ERICH3: variants seen among roughly 807,000 people sequenced by gnomAD.
ERICH3 encodes the protein glutamate rich 3.
A neutral mutation model predicts 131.1 loss-of-function variants in ERICH3; 126 were observed. The observed-to-expected ratio is 0.96, with a 90% CI of 0.83 to 1.11. The LOEUF is 1.11. ERICH3 is among the 50% of genes most tolerant of loss of function. ERICH3 has a pLI of 0.00. For synonymous variants in ERICH3, 695 were observed against 644.6 expected (o/e 1.08, Z -1.18); for missense variants, 2,050 against 1,810.7 (o/e 1.13, Z -2.40).
chr1:74,577,136 A>G, intron 12 of ERICH3, 200 bp from the exon 13 acceptor site: 1 of 496,220 alleles, frequency 2.0e-6, no homozygotes, highest in Non-Finnish European at 3.5e-6. Flanking sequence ...ATTTAATCCT[A>G]GACATCAATA....
intron 11 of ERICH3, among the ~76,000 whole-genome samples, chr1:74,598,953 T>C (rs192684982): frequency 1.3e-5 from 2 of 152,088 alleles, no homozygotes; most frequent in East Asian, 3.9e-4. Context: ...TAAACTTTCA[T>C]ATTGCTATTA....
intron 11 of ERICH3, among the ~76,000 whole-genome samples, chr1:74,596,076 T>C (rs765493061): frequency 3.9e-5 from 6 of 152,100 alleles, no homozygotes; most frequent in Non-Finnish European, 7.4e-5. Flanking sequence ...GTGAGATTCT[T>C]AAAATCATAA....
intron 11 of ERICH3, among the ~76,000 whole-genome samples, chr1:74,593,061 T>C (rs1647682028): frequency 6.6e-6 from 1 of 152,174 alleles, no homozygotes; most frequent in South Asian, 2.1e-4. Context: ...CATTTGTTCA[T>C]GTATTCCCTT....
In ERICH3 at chr1:74,572,041, T is replaced by C. The variant is rs777422793; in HGVS notation, c.3669A>G (p.Pro1223=). 6 of 1,614,086 alleles carry C rather than the reference T, an allele frequency of 3.7e-6. No individual in the cohort carries two copies. In the African/African-American group the frequency reaches 8.0e-5, roughly 22 times the overall value. Reference sequence around the variant, plus strand: ...CCTCAGGGGCCTGCACCTTTCCTGCTGGCTCAGCTTCAGGAGCTGCTAAGG... The same window carrying C: ...CCTCAGGGGCCTGCACCTTTCCTGCCGGCTCAGCTTCAGGAGCTGCTAAGG... ...EGALAAPEAE[P]AGKVQAPEGL... is the part of the protein sequence containing the mutation. The change falls in exon 14 of 15, where the codon CCA becomes CCG. Residue 1223 remains proline (P), a synonymous_variant. Transcript: ENST00000326665.
At chr1:74,614,367 TAAAAAAAA>T in intron 8 of ERICH3, among the ~76,000 whole-genome samples, 1 of 114,940 alleles carries the variant, frequency 8.7e-6, no homozygotes, top group Admixed American at 8.9e-5. Flanking sequence ...ATTTTTTCCC[TAAAAAAAA>T]AAAAAAAAAA....
At chr1:74,661,754 T>C (rs1361129549) in intron 1 of ERICH3, among the ~76,000 whole-genome samples, 1 of 152,142 alleles carries the variant, frequency 6.6e-6, no homozygotes, top group East Asian at 1.9e-4. Context: ...TATATGTCGA[T>C]ATTTATTAGC....
intron 1 of ERICH3, among the ~76,000 whole-genome samples, chr1:74,655,015 A>C (rs1300572606): frequency 6.6e-6 from 1 of 152,146 alleles, no homozygotes; most frequent in East Asian, 1.9e-4. Flanking sequence ...TTTAAATAAA[A>C]ATTCTTACAG....
chr1:74,587,531 A>AG (rs924664596), intron 12 of ERICH3, among the ~76,000 whole-genome samples: 3 of 152,032 alleles, frequency 2.0e-5, no homozygotes, highest in Non-Finnish European at 4.4e-5. Flanking sequence ...AGAAAAAAAA[A>AG]CTACTGTCTT....
chr1:74,661,249 T>C (rs1570917942), intron 1 of ERICH3, among the ~76,000 whole-genome samples: 1 of 152,216 alleles, frequency 6.6e-6, no homozygotes. Context: ...CCCATAAGAT[T>C]TTCACCAGTC....
At chr1:74,603,146 G>A (rs1042370632) in intron 10 of ERICH3, among the ~76,000 whole-genome samples, 3 of 151,826 alleles carry the variant, frequency 2.0e-5, no homozygotes, top group African/African-American at 7.3e-5. Context: ...CCCAACCCAT[G>A]GTTATTGTGC....
intron 6 of ERICH3, among the ~76,000 whole-genome samples, chr1:74,634,192 G>T (rs1014091223): frequency 2.0e-5 from 3 of 151,898 alleles, no homozygotes; most frequent in Non-Finnish European, 4.4e-5. Flanking sequence ...CATCATCAAT[G>T]CCATTGAAAA....
rs1646978777 is a variant in ERICH3 at position 74,572,764 on chromosome 1, T to C, written c.2946A>G (p.Lys982=). The C allele has an allele frequency of 3.1e-6, 5 of 1,614,010 alleles. No homozygotes were observed. Among genetic ancestry groups the C allele is most frequent in the Non-Finnish European group, 4.2e-6 (5 of 1,179,990 alleles). ...CTGTTCTCATAACCTCTTTTCTCTC[T>C]TTGGCTGGTTCCTCTCCCCCAAGAA... ...EAILGGEEPA[K]ERKEVMRTET... is the part of the protein sequence containing the mutation. The change falls in exon 14 of 15, where the codon AAA becomes AAG. Residue 982 remains lysine, a synonymous_variant. Transcript: ENST00000326665.
intron 3 of ERICH3, among the ~76,000 whole-genome samples, chr1:74,644,419 T>G (rs1007144500): frequency 2.0e-5 from 3 of 152,096 alleles, no homozygotes; most frequent in Non-Finnish European, 4.4e-5. Context: ...TAATTTCCTT[T>G]TGTTCCCCCA....
At chr1:74,644,144 T>C (rs1646460706) in intron 3 of ERICH3, among the ~76,000 whole-genome samples, 1 of 152,074 alleles carries the variant, frequency 6.6e-6, no homozygotes, top group South Asian at 2.1e-4. Context: ...CCTCTGTTCT[T>C]GGTTCCCTCC....
intron 9 of ERICH3, among the ~76,000 whole-genome samples, chr1:74,612,346 A>C (rs1156397051): frequency 3.9e-5 from 6 of 152,232 alleles, no homozygotes; most frequent in Non-Finnish European, 8.8e-5. Flanking sequence ...CTTCAGAAAC[A>C]GTTCTTAAAG....
At chr1:74,652,124 C>A (rs184180716) in intron 1 of ERICH3, among the ~76,000 whole-genome samples, 102 of 152,268 alleles carry the variant, frequency 6.7e-4, no homozygotes, top group African/African-American at 2.3e-3. Context: ...TGAATAATAA[C>A]CGGCTCAGTT....
Position 74,641,324 on chromosome 1 carries a change from TACTC to T in ERICH3, c.444+3_444+6del. On this transcript the variant is annotated splice_donor_5th_base_variant and intron_variant, in intron 5 of 14. Coordinates refer to ENST00000326665, the MANE Select transcript of ERICH3 (RefSeq NM_001002912.5). ...TACTGCATGACGAAGTGTTTAATAT[TACTC>T]ACCAGTGCTAACGGACTGGAATGTC... 1 of 1,611,686 alleles carries T rather than the reference TACTC, an allele frequency of 6.2e-7. No individual in the cohort carries two copies. Among genetic ancestry groups the T allele is most frequent in the South Asian group, 1.1e-5 (1 of 90,708 alleles).
chr1:74,613,816 T>C (rs1251584077), intron 8 of ERICH3, among the ~76,000 whole-genome samples: 2 of 152,088 alleles, frequency 1.3e-5, no homozygotes, highest in Non-Finnish European at 2.9e-5. Flanking sequence ...GCAGAGTGAC[T>C]CAAAATCCTG....
chr1:74,648,815 A>C (rs2100641862), intron 2 of ERICH3, among the ~76,000 whole-genome samples: 1 of 152,264 alleles, frequency 6.6e-6, no homozygotes, highest in Non-Finnish European at 1.5e-5. Flanking sequence ...GAAATGTTGA[A>C]ATGTACATGT....
Sources: allele counts gnomAD v4.1 joint callset (sites outside exome capture counted in the v4.1 genomes callset), GRCh38; gene constraint gnomAD v4.1.1; transcripts MANE v1.5; gene names NCBI Gene and HGNC (gene_info 2026-07-23, HGNC 2026-07-21).